ROBO4: variants seen among roughly 807,000 people sequenced by gnomAD.
ROBO4 encodes the protein roundabout homolog 4.
A neutral mutation model predicts 103.3 loss-of-function variants in ROBO4; 80 were observed. That is an observed-to-expected ratio of 0.77 (90% confidence interval 0.65 to 0.93). ROBO4 has a LOEUF of 0.93. ROBO4 is among the 40% of genes least tolerant of loss of function. The pLI is 0.00. For synonymous variants in ROBO4, 504 were observed against 529.7 expected, an observed-to-expected ratio of 0.95 and a Z score of 0.67; for missense variants, 1,333 against 1,305.3, an observed-to-expected ratio of 1.02 and a Z score of -0.33.
chr11:124,886,930 C>T, intron 15 of ROBO4, 47 bp downstream of exon 15: 1 of 1,567,042 alleles, frequency 6.4e-7, no homozygotes, highest in Non-Finnish European at 8.7e-7. Context: ...AGGCGCTTGC[C>T]CCCACAGCTT....
rs1243761587 is a variant in ROBO4 at position 124,897,151 on chromosome 11, G to C, written c.181C>G (p.Pro61Ala). The change falls in exon 2 of 18, where the codon CCC (proline) becomes GCC (alanine). Residue 61 changes from proline (P) to alanine (A), a missense_variant. Pro to Ala is a conservative substitution (Grantham distance 27, BLOSUM62 -1). Transcript: ENST00000306534. ...CCATTCAGCAACCAGCGGATGGTGG[G>C]AGGTGGCTGGCCTGAGGCTTGGCAG... ...MSCQASGQPP[P>A]TIRWLLNGQP... 1 of 1,560,986 alleles carries C rather than the reference G, an allele frequency of 6.4e-7. No individual in the cohort carries two copies. Among genetic ancestry groups the C allele is most frequent in the South Asian group, 1.2e-5 (1 of 81,064 alleles).
Position 124,895,449 on chromosome 11 carries a change from G to C in ROBO4, c.1036+8C>G. On this transcript the variant is annotated splice_region_variant and intron_variant, in intron 6 of 17. Transcript: ENST00000306534. ...TATTGTTGGCTTCTGAAGGGATCAG[G>C]CCCTGACCTTTTTCCGGCAGCCTCA... The C allele has an allele frequency of 6.2e-7, 1 of 1,607,418 alleles. No individual in the cohort carries two copies. Among genetic ancestry groups the C allele is most frequent in the South Asian group, 1.1e-5 (1 of 90,970 alleles).
rs1042090275 is a variant in ROBO4 at position 124,892,135 on chromosome 11, A to C, written c.1548-333T>G. 13 of 518,940 alleles carry C rather than the reference A, an allele frequency of 2.5e-5. No homozygotes were observed. The East Asian group carries it at 6.3e-4, about 25-fold the overall frequency. 32.1% of individuals were successfully genotyped at this position (518,940 alleles called of 1,614,324 possible). ...CTATCTGTCACAGCTTAGCTTGGGT[A>C]AGTACATCTGTTGCACTTGGGTAAG... On this transcript the variant is annotated intron_variant, in intron 10 of 17. Transcript: ENST00000306534.
chr11:124,896,109 A>T, intron 4 of ROBO4, 89 bp downstream of exon 4: 1 of 1,564,622 alleles, frequency 6.4e-7, no homozygotes, highest in Non-Finnish European at 8.6e-7. Flanking sequence ...CCCTGACCCC[A>T]CATACCTTAA....
rs1010324146 is a variant in ROBO4 at position 124,893,864 on chromosome 11, G to C, written c.1500C>G (p.Gly500=). ...GGGTCCCCCTCAGACTCTCACCTGG[G>C]CCCAGGTGCACCCTAGCTCGGCGCC... ...HRRRRARVHL[G]PGLYRYTSED... is the part of the protein sequence containing the mutation. Residue 500 remains glycine, a synonymous_variant, in exon 9 of 18, where the codon GGC becomes GGG. Coordinates refer to ENST00000306534, the MANE Select transcript of ROBO4 (RefSeq NM_019055.6). 3 of 1,612,986 alleles carry C rather than the reference G, an allele frequency of 1.9e-6. No individual in the cohort carries two copies. The highest frequency in any genetic ancestry group is 2.7e-5 in the African/African-American group (2 of 74,880).
In ROBO4 at chr11:124,888,432, G is replaced by A. The variant is rs1291635074; in HGVS notation, c.1949-592C>T. Among the ~76,000 whole-genome samples, 4 of 152,340 alleles carry A rather than the reference G, an allele frequency of 2.6e-5. No homozygotes were observed. In the South Asian group the frequency reaches 8.3e-4, roughly 32 times the overall value. The stretch of plus-strand genomic sequence containing the variant: ...ATGGGGTAGACTGTCAGGTTGAGCT[G>A]AGTGGGTAGGACAAAAACAGGGATC... On this transcript the variant is annotated intron_variant, in intron 12 of 17. Coordinates refer to ENST00000306534, the MANE Select transcript of ROBO4 (RefSeq NM_019055.6).
intron 15 of ROBO4, 22 bp downstream of exon 15, chr11:124,886,955 G>C: frequency 6.3e-7 from 1 of 1,588,798 alleles, no homozygotes; most frequent in Middle Eastern, 1.7e-4. Flanking sequence ...GTAGTTCTTT[G>C]GTTATCTCTC....
chr11:124,887,885 T>C, intron 12 of ROBO4, 45 bp from the exon 13 acceptor site: 1 of 1,498,340 alleles, frequency 6.7e-7, no homozygotes, highest in South Asian at 1.2e-5. Context: ...GATGGACTTT[T>C]CAGACCCCAG....
chr11:124,889,110 G>A (rs1946763080), intron 12 of ROBO4, among the ~76,000 whole-genome samples: 1 of 152,190 alleles, frequency 6.6e-6, no homozygotes, highest in African/African-American at 2.4e-5. Context: ...CAGACCTTCT[G>A]ATCCTTTAGG....
Position 124,887,517 on chromosome 11 carries a change from G to A in ROBO4, c.2057-18C>T, listed in dbSNP as rs756184060. 2 of 1,613,098 alleles carry A rather than the reference G, an allele frequency of 1.2e-6. No homozygotes were observed. Among genetic ancestry groups the A allele is most frequent in the Non-Finnish European group, 1.7e-6 (2 of 1,179,910 alleles). On this transcript the variant is annotated intron_variant, in intron 13 of 17. Coordinates refer to ENST00000306534, the MANE Select transcript of ROBO4 (RefSeq NM_019055.6). ...CACAGCTCCTGGGGAAGAGAAGCCT[G>A]GGTGTGAGAACAGTGGCATCCCCAT...
chr11:124,885,290 GC>G, intron 16 of ROBO4, 43 bp from the exon 17 acceptor site: 1 of 1,527,948 alleles, frequency 6.5e-7, no homozygotes, highest in Non-Finnish European at 9.0e-7. Context: ...TTGACCTTCA[GC>G]CCCTAGGGGC....
At chr11:124,893,200 AG>A (rs951999056) in intron 10 of ROBO4, among the ~76,000 whole-genome samples, 1 of 152,232 alleles carries the variant, frequency 6.6e-6, no homozygotes, top group African/African-American at 2.4e-5. Flanking sequence ...CGGAAGCAGA[AG>A]GGCCCATGGG....
Position 124,887,339 on chromosome 11 carries a change from C to G in ROBO4, c.2198+19G>C, listed in dbSNP as rs201320620. Reference sequence around the variant, plus strand: ...CCCCCACTCTCCCAGCCCTGCTTCCCGACCCCATGCCCTCTTACTGGGTCT... The same window carrying G: ...CCCCCACTCTCCCAGCCCTGCTTCCGGACCCCATGCCCTCTTACTGGGTCT... On this transcript the variant is annotated intron_variant, in intron 14 of 17. Coordinates refer to ENST00000306534, the MANE Select transcript of ROBO4 (RefSeq NM_019055.6). 1 of 1,613,884 alleles carries G rather than the reference C, an allele frequency of 6.2e-7. No individual in the cohort carries two copies. Among genetic ancestry groups the G allele is most frequent in the Admixed American group, 1.7e-5 (1 of 59,996 alleles).
At position 124,887,502 on chromosome 11, in the gene ROBO4, G is replaced by A. The variant is rs1335882659; in HGVS notation, c.2057-3C>T. On this transcript the variant is annotated splice_polypyrimidine_tract_variant and splice_region_variant and intron_variant, in intron 13 of 17. Transcript: ENST00000306534. ...AACCAGAGCTTGGGGCACAGCTCCT[G>A]GGGAAGAGAAGCCTGGGTGTGAGAA... is the stretch of plus-strand genomic sequence containing the variant. The A allele has an allele frequency of 2.5e-6, 4 of 1,613,402 alleles. No homozygotes were observed. Among genetic ancestry groups the A allele is most frequent in the Non-Finnish European group, 3.4e-6 (4 of 1,179,926 alleles).
rs781361000 is a variant in ROBO4 at position 124,897,035 on chromosome 11, G to A, written c.297C>T (p.Ala99=). The part of the protein sequence containing the change: ...LLLQPPARGH[A]HDGQALSTDL... ...CTGTGGACAGGGCCTGGCCATCGTG[G>A]GCATGTCCCCGGGCAGGGGGCTGTA... The change falls in exon 2 of 18, where the codon GCC becomes GCT. Residue 99 remains alanine, a synonymous_variant. Transcript: ENST00000306534. 2 of 1,613,974 alleles carry A rather than the reference G, an allele frequency of 1.2e-6. No homozygotes were observed. The highest frequency in any genetic ancestry group is 2.2e-5 in the East Asian group (1 of 44,870).
Position 124,897,663 on chromosome 11 carries a change from C to G in ROBO4, c.70+63G>C. The stretch of plus-strand genomic sequence containing the variant: ...AAAGGGAAGCAGGCAGTCAGCAGGC[C>G]CCTTCTGCCCTGAGCAGGCCTTGGA... On this transcript the variant is annotated intron_variant, in intron 1 of 17. Transcript: ENST00000306534. 9 of 1,464,072 alleles carry G rather than the reference C, an allele frequency of 6.1e-6. No individual in the cohort carries two copies. In the Admixed American group the frequency reaches 8.5e-5, roughly 14 times the overall value. The allele number at this position is 1,464,072 out of a possible 1,614,324, so 90.7% of individuals were successfully genotyped here. A position where few individuals can be genotyped will look rare whatever the true frequency, so the allele number is the denominator to read the frequency against.
chr11:124,885,002 G>A lies in ROBO4; in HGVS notation c.3001+39C>T. On this transcript the variant is annotated intron_variant, in intron 17 of 17. Transcript: ENST00000306534. The stretch of plus-strand genomic sequence containing the variant: ...CTGGCTTCTTCCCAGAGGCCCTCTG[G>A]TCAAGATGAACACATTAGCCAGGAA... 4 of 1,613,742 alleles carry A rather than the reference G, an allele frequency of 2.5e-6. No homozygotes were observed. In the Admixed American group the frequency reaches 6.7e-5, roughly 27 times the overall value.
chr11:124,891,548 A>T lies in ROBO4; in HGVS notation c.1699T>A (p.Ser567Thr). ...AGCAGGGGCACGCCGGGGCTTCGGG[A>T]GTCCCAGGAGAGCACTGTGACATAA... is the stretch of plus-strand genomic sequence containing the variant. ...DCRRSLLSWD[S>T]RSPGVPLLPD... The change falls in exon 12 of 18, where the codon TCC becomes ACC. Residue 567 changes from serine to threonine, a missense_variant. By Grantham distance (58) the Ser-to-Thr change is moderately conservative. Transcript: ENST00000306534. 2 of 1,614,224 alleles carry T rather than the reference A, an allele frequency of 1.2e-6. No individual in the cohort carries two copies. The highest frequency in any genetic ancestry group is 1.7e-6 in the Non-Finnish European group (2 of 1,180,040).
In ROBO4 at chr11:124,893,941, C is replaced by T. The variant is rs760068022; in HGVS notation, c.1423G>A (p.Gly475Ser). The change falls in exon 9 of 18, where the codon GGT (glycine) becomes AGT (serine). Residue 475 changes from glycine (G) to serine (S), a missense_variant. Coordinates refer to ENST00000306534, the MANE Select transcript of ROBO4 (RefSeq NM_019055.6). ...LKRPEVIATC[G>S]VALWLLLLGT... ...AGAAGCAGCAGCCAGAGTGCAACAC[C>T]GCAGGTGGCAATGACCTCAGGCCGC... is the stretch of plus-strand genomic sequence containing the variant. 2.5e-5 allele frequency: 40 copies of T among 1,610,220 alleles called. No individual in the cohort carries two copies. The South Asian group carries it at 3.2e-4, about 13-fold the overall frequency.
Sources: allele counts gnomAD v4.1 joint callset (sites outside exome capture counted in the v4.1 genomes callset), GRCh38; gene constraint gnomAD v4.1.1; transcripts MANE v1.5; gene names NCBI Gene and HGNC (gene_info 2026-07-23, HGNC 2026-07-21).